IQSEC1: variants seen among roughly 807,000 people sequenced by gnomAD.
IQSEC1 encodes IQ motif and SEC7 domain-containing protein 1.
Under a neutral mutation model 91.0 loss-of-function variants are expected in IQSEC1, and 31 were observed. The ratio of observed to expected loss-of-function variants is 0.34; its 90% CI spans 0.26 to 0.46. IQSEC1 has a LOEUF of 0.46. IQSEC1 is among the 20% of genes least tolerant of loss of function. The pLI is 1.00. For synonymous variants in IQSEC1, 699 were observed against 662.6 expected (o/e 1.05, Z -0.84); for missense variants, 1,388 against 1,575.6 (o/e 0.88, Z 2.02).
chr3:13,102,004 C>G (rs971560349), intron 2 of IQSEC1, among the ~76,000 whole-genome samples: 30 of 152,110 alleles, frequency 2.0e-4, no homozygotes, highest in African/African-American at 7.2e-4. Flanking sequence ...TTAATAAACT[C>G]TGCCCGCTCA....
Position 13,207,231 on chromosome 3 carries a change from T to C in IQSEC1, c.273-43098A>G, listed in dbSNP as rs1405983560. ...CCAGACCAAGCTCTTGACCCTGACC[T>C]TCCCCACCTCCGCTCAAACCTTCCC... On this transcript the variant is annotated intron_variant, in intron 1 of 15. Coordinates refer to the IQSEC1 transcript ENST00000648114. This position sits in a 1 kb window ranked among gnomAD's most constrained non-coding sequence, Gnocchi z 4.8. 6.6e-6 allele frequency among the ~76,000 whole-genome samples: 1 copy of C among 152,040 alleles called. No homozygotes were observed. Among genetic ancestry groups the C allele is most frequent in the Non-Finnish European group, 1.5e-5 (1 of 67,990 alleles).
In IQSEC1 at chr3:13,244,509, T is replaced by A. The variant is rs185769751; in HGVS notation, c.272+38202A>T. Among the ~76,000 whole-genome samples, 82 of 152,342 alleles carry A rather than the reference T, an allele frequency of 5.4e-4. 1 individual carries two copies. The highest frequency in any genetic ancestry group is 3.4e-3 in the Middle Eastern group (1 of 294). On this transcript the variant is annotated intron_variant, in intron 1 of 15. Coordinates refer to the IQSEC1 transcript ENST00000648114. Reference sequence around the variant, plus strand: ...CAAATAGTGGTGCTAAATAAATGTCTGCTGAGTGGATTAATGGGGAGGTCC... The same window carrying A: ...CAAATAGTGGTGCTAAATAAATGTCAGCTGAGTGGATTAATGGGGAGGTCC...
intron 1 of IQSEC1, among the ~76,000 whole-genome samples, chr3:13,252,730 T>TTTTTGTTTTTG (rs60219953): frequency 1.3e-5 from 2 of 150,844 alleles, no homozygotes; most frequent in Non-Finnish European, 2.9e-5. Context: ...TTTTTTTTGT[T>TTTTTGTTTTTG]TTTGTTTGTT....
intron 1 of IQSEC1, among the ~76,000 whole-genome samples, chr3:13,178,668 C>A (rs1202098670): frequency 1.3e-5 from 2 of 152,176 alleles, no homozygotes; most frequent in African/African-American, 2.4e-5. Context: ...CTAAGGAAGG[C>A]CTCTGAAAAG....
rs1252367224 is a variant in IQSEC1, at chr3:12,967,657, A to AGCCAAGCCC, written c.24-25801_24-25793dup. The AGCCAAGCCC allele has an allele frequency of 8.4e-7, 1 of 1,190,680 alleles. No individual in the cohort carries two copies. Among genetic ancestry groups the AGCCAAGCCC allele is most frequent in the African/African-American group, 1.6e-5 (1 of 62,462 alleles). 73.8% of individuals were successfully genotyped at this position (1,190,680 alleles called of 1,614,324 possible). A position where few individuals can be genotyped will look rare whatever the true frequency, so the allele number is the denominator to read the frequency against. On this transcript the variant is annotated intron_variant, in intron 1 of 13. Coordinates refer to ENST00000613206, the MANE Select transcript of IQSEC1 (RefSeq NM_001134382.3). This position sits in a 1 kb window ranked among gnomAD's most constrained non-coding sequence, Gnocchi z 5.9. Reference sequence around the variant, plus strand: ...CGGCCCCAAGTCCGAGCCCCAGGCCAGCCAAGCCCGCCCCTCCGCCGCCGC... The same window carrying AGCCAAGCCC: ...CGGCCCCAAGTCCGAGCCCCAGGCCAGCCAAGCCCGCCAAGCCCGCCCCTCCGCCGCCGC...
chr3:13,166,814 A>G (rs1470033012), intron 1 of IQSEC1, among the ~76,000 whole-genome samples: 10 of 152,166 alleles, frequency 6.6e-5, no homozygotes, highest in African/African-American at 2.4e-4. Flanking sequence ...CTGCTGTGGG[A>G]AGCCAGGACT....
intron 1 of IQSEC1, among the ~76,000 whole-genome samples, chr3:12,958,298 C>T (rs1416164530): frequency 1.3e-5 from 2 of 152,280 alleles, no homozygotes; most frequent in South Asian, 4.1e-4. Context: ...AACACTATCC[C>T]CCTCAACCTC....
intron 2 of IQSEC1, among the ~76,000 whole-genome samples, chr3:13,099,854 A>C (rs1706028120): frequency 1.3e-5 from 2 of 152,190 alleles, no homozygotes; most frequent in South Asian, 4.1e-4. Context: ...CCCCTGGCAG[A>C]GGGCACGGCA....
At chr3:12,902,667 AACCAAAAAAAAAAAAAAAAAAAAAAAAC>A in intron 13 of IQSEC1, 78 bp downstream of exon 13, 1 of 537,180 alleles carries the variant, frequency 1.9e-6, no homozygotes, top group Non-Finnish European at 3.4e-6. Context: ...ACAAAAAAAA[AACCAAAAAAAAAAAAAAAAAAAAAAAAC>A]CAGGACAACA....
intron 1 of IQSEC1, among the ~76,000 whole-genome samples, chr3:13,183,986 A>G (rs972838269): frequency 2.0e-5 from 3 of 152,268 alleles, no homozygotes; most frequent in African/African-American, 7.2e-5. Flanking sequence ...TAATAGTCCT[A>G]TATCTATTCA....
rs142767705 is a variant in IQSEC1 at position 13,177,494 on chromosome 3, T to C, written c.273-13361A>G. On this transcript the variant is annotated intron_variant, in intron 1 of 15. Transcript: ENST00000648114. Reference sequence around the variant, plus strand: ...CCTGTGAACCTCATCTCCTTTGTGATGATTTACCCCGGGACACCAGCCTGA... The same window carrying C: ...CCTGTGAACCTCATCTCCTTTGTGACGATTTACCCCGGGACACCAGCCTGA... 3.9e-3 allele frequency among the ~76,000 whole-genome samples: 601 copies of C among 152,336 alleles called. 6 individuals carry two copies. Among genetic ancestry groups the C allele is most frequent in the Admixed American group, 6.9e-3 (106 of 15,302 alleles).
At chr3:13,200,251 AACAC>A (rs111462856) in intron 1 of IQSEC1, among the ~76,000 whole-genome samples, 17 of 147,278 alleles carry the variant, frequency 1.2e-4, no homozygotes, top group Middle Eastern at 3.6e-3. Context: ...ACCCACATAC[AACAC>A]ACACACACAC....
At chr3:13,152,000 CAAAAAA>C (rs1183639021) in intron 2 of IQSEC1, among the ~76,000 whole-genome samples, 1 of 151,932 alleles carries the variant, frequency 6.6e-6, no homozygotes, top group South Asian at 2.1e-4. Flanking sequence ...AAAACAAAAA[CAAAAAA>C]AGAGAGAGTT....
At chr3:13,175,079 T>G (rs1693701236) in intron 1 of IQSEC1, among the ~76,000 whole-genome samples, 2 of 152,026 alleles carry the variant, frequency 1.3e-5, no homozygotes, top group Admixed American at 1.3e-4. Flanking sequence ...CCCACCAGGG[T>G]GGACTACCCT....
rs151310461 is a variant in IQSEC1, at chr3:13,170,611, G to C, written c.273-6478C>G. Among the ~76,000 whole-genome samples the C allele has an allele frequency of 3.3e-3, 497 of 152,358 alleles. 2 individuals carry two copies. Among genetic ancestry groups the C allele is most frequent in the African/African-American group, 0.011 (475 of 41,580 alleles). ...GGGACGGAGCTTCCAGAGCGCCAGG[G>C]TAATGCAGCCAACCAAGAGGGCCGC... On this transcript the variant is annotated intron_variant, in intron 1 of 15. Transcript: ENST00000648114.
intron 2 of IQSEC1, among the ~76,000 whole-genome samples, chr3:13,125,872 T>G (rs1468734258): frequency 6.6e-6 from 1 of 152,210 alleles, no homozygotes; most frequent in African/African-American, 2.4e-5. Context: ...AGTGCGGTCC[T>G]GCTAAAAGGG....
chr3:12,993,434 T>A (rs1428470699), intron 1 of IQSEC1, among the ~76,000 whole-genome samples: 1 of 151,600 alleles, frequency 6.6e-6, no homozygotes, highest in Non-Finnish European at 1.5e-5. Context: ...GGTGGCGGGA[T>A]TTCTCCGCCC....
At chr3:13,150,049 G>C (rs1706968555) in intron 2 of IQSEC1, among the ~76,000 whole-genome samples, 1 of 152,184 alleles carries the variant, frequency 6.6e-6, no homozygotes, top group Non-Finnish European at 1.5e-5. Flanking sequence ...CCGACCTGCA[G>C]TGCCCTATTA....
intron 6 of IQSEC1, among the ~76,000 whole-genome samples, chr3:12,919,863 ATGCCTCGCTGCC>A (rs1471113773): frequency 6.6e-6 from 1 of 152,122 alleles, no homozygotes; most frequent in Non-Finnish European, 1.5e-5. Flanking sequence ...TCACACAAGG[ATGCCTCGCTGCC>A]TGTAGACTCC....
Sources: allele counts gnomAD v4.1 joint callset (sites outside exome capture counted in the v4.1 genomes callset), GRCh38; gene constraint gnomAD v4.1.1; non-coding constraint Gnocchi (gnomAD v3.1); transcripts MANE v1.5; gene names NCBI Gene and HGNC (gene_info 2026-07-23, HGNC 2026-07-21).